PYY: variants seen among roughly 807,000 people sequenced by gnomAD.
PYY encodes peptide tyrosine tyrosine.
A neutral mutation model predicts 10.3 loss-of-function variants in PYY; 12 were observed. That is an observed-to-expected ratio of 1.17 (90% CI 0.75 to 1.89). The LOEUF is 1.89. Among genes scored for constraint, PYY ranks in the 40% most tolerant of loss-of-function variants. The pLI is 0.00. For synonymous variants in PYY, 66 were observed against 62.0 expected, an observed-to-expected ratio of 1.06 and a Z score of -0.30; for missense variants, 141 against 134.0, an observed-to-expected ratio of 1.05 and a Z score of -0.26.
At chr17:44,002,417 G>A (rs937997093) in intron 1 of PYY, among the ~76,000 whole-genome samples, 6 of 152,158 alleles carry the variant, frequency 3.9e-5, no homozygotes. Context: ...GGGTGCTTAG[G>A]GTCTGGCCAT....
At chr17:43,971,355 A>G (rs889928106) in intron 1 of PYY, among the ~76,000 whole-genome samples, 1 of 152,146 alleles carries the variant, frequency 6.6e-6, no homozygotes, top group South Asian at 2.1e-4. Context: ...AGATCACGTG[A>G]GATCCTGAGT....
Position 43,953,277 on chromosome 17 carries a change from G to A in PYY, c.188+19C>T. On this transcript the variant is annotated intron_variant, in intron 2 of 3. Transcript: ENST00000692052. ...GCAGGGTGAGAGCCCCAGGGGTCCC[G>A]CTCCGCGCCTGCGCTCACCGCTGCC... 2 of 1,606,566 alleles carry A rather than the reference G, an allele frequency of 1.2e-6. No individual in the cohort carries two copies. Among genetic ancestry groups the A allele is most frequent in the African/African-American group, 2.7e-5 (2 of 74,878 alleles).
intron 2 of PYY, among the ~76,000 whole-genome samples, chr17:43,959,316 T>C (rs2048696034): frequency 6.6e-6 from 1 of 152,238 alleles, no homozygotes; most frequent in African/African-American, 2.4e-5. Flanking sequence ...ACTTTATATA[T>C]TTCCAATATA....
intron 1 of PYY, among the ~76,000 whole-genome samples, chr17:43,994,654 C>G (rs1259913047): frequency 6.6e-6 from 1 of 152,184 alleles, no homozygotes; most frequent in Non-Finnish European, 1.5e-5. Flanking sequence ...GCCCCCTCCT[C>G]CGTGGCTCAG....
chr17:43,979,745 G>C (rs1264582283), intron 1 of PYY, among the ~76,000 whole-genome samples: 4 of 151,544 alleles, frequency 2.6e-5, no homozygotes, highest in Non-Finnish European at 5.9e-5. Flanking sequence ...CCAGCGGTGG[G>C]GGGAGAAATG....
chr17:43,960,532 C>CAAAAA lies in PYY; in HGVS notation c.-217-2509_-217-2505dup, dbSNP rs1170040925. Among the ~76,000 whole-genome samples, 54 of 58,932 alleles carry CAAAAA rather than the reference C, an allele frequency of 9.2e-4. 1 individual carries two copies. Among genetic ancestry groups the CAAAAA allele is most frequent in the East Asian group, 1.9e-3 (3 of 1,604 alleles). The allele number at this position is 58,932 out of a possible 152,430, so 38.7% of individuals were successfully genotyped here. On this transcript the variant is annotated intron_variant, in intron 2 of 6. Coordinates refer to the PYY transcript ENST00000360085. The stretch of plus-strand genomic sequence containing the variant: ...GAGGGACGAGAGTGAGACTTTGTCT[C>CAAAAA]AAAAAAAAAAAAAAAAAAAAAAACA...
chr17:43,996,453 C>T lies in PYY; in HGVS notation c.-463+7938G>A, dbSNP rs547716840. On this transcript the variant is annotated intron_variant, in intron 1 of 6. Coordinates refer to the PYY transcript ENST00000360085. ...AGCAAATAAAATGGTTCTTTCAAGC[C>T]ATGGGGTTTTGGGGTAATTTTCATT... Among the ~76,000 whole-genome samples the T allele has an allele frequency of 2.0e-5, 3 of 152,124 alleles. No individual in the cohort carries two copies. The South Asian group carries it at 6.2e-4, about 32-fold the overall frequency.
intron 1 of PYY, among the ~76,000 whole-genome samples, chr17:43,996,040 A>G (rs543544497): frequency 1.6e-3 from 245 of 152,232 alleles, no homozygotes; most frequent in African/African-American, 5.8e-3. Flanking sequence ...AATGCAGCCC[A>G]TGACCCCTTC....
At chr17:43,968,884 G>C (rs561516130) in intron 1 of PYY, among the ~76,000 whole-genome samples, 1 of 152,146 alleles carries the variant, frequency 6.6e-6, no homozygotes, top group Non-Finnish European at 1.5e-5. Flanking sequence ...AAGGCGGGTG[G>C]ATCGCCTGAG....
At chr17:43,980,897 TATC>T (rs1350263777) in intron 1 of PYY, among the ~76,000 whole-genome samples, 2 of 152,204 alleles carry the variant, frequency 1.3e-5, no homozygotes, top group Non-Finnish European at 2.9e-5. Context: ...GGTGTGAACA[TATC>T]ATTATTTATT....
At position 43,995,442 on chromosome 17, in the gene PYY, T is replaced by G. The variant is rs2048984778; in HGVS notation, c.-463+8949A>C. 2.6e-5 allele frequency among the ~76,000 whole-genome samples: 4 copies of G among 151,408 alleles called. No individual in the cohort carries two copies. The South Asian group carries it at 8.4e-4, about 32-fold the overall frequency. On this transcript the variant is annotated intron_variant, in intron 1 of 6. Transcript: ENST00000360085. ...GCCTCCCGGGTTCAAGTGATTCTCC[T>G]GCCTCAGCCTCCCGAGTAGCTGGGA...
chr17:43,955,967 C>A (rs2048669474), upstream of PYY, among the ~76,000 whole-genome samples: 1 of 152,006 alleles, frequency 6.6e-6, no homozygotes, highest in South Asian at 2.1e-4. Context: ...CCTGCGGCGG[C>A]ACTAACCATG....
At chr17:44,003,236 T>C (rs1170437326) in intron 1 of PYY, among the ~76,000 whole-genome samples, 7 of 152,036 alleles carry the variant, frequency 4.6e-5, no homozygotes, top group Admixed American at 4.6e-4. Flanking sequence ...TTTCACCATG[T>C]TGGCCAGGCT....
intron 1 of PYY, among the ~76,000 whole-genome samples, chr17:43,981,950 T>C (rs1175234958): frequency 6.6e-6 from 1 of 152,226 alleles, no homozygotes; most frequent in Non-Finnish European, 1.5e-5. Flanking sequence ...TCCCATCCTG[T>C]AGCGTGCCTT....
At chr17:43,978,473 T>C (rs947943592) in intron 1 of PYY, among the ~76,000 whole-genome samples, 1 of 152,112 alleles carries the variant, frequency 6.6e-6, no homozygotes, top group African/African-American at 2.4e-5. Flanking sequence ...CTGGACAATG[T>C]AGCGAGACTC....
intron 1 of PYY, among the ~76,000 whole-genome samples, chr17:43,999,867 C>G (rs1208665325): frequency 6.6e-6 from 1 of 151,946 alleles, no homozygotes; most frequent in Non-Finnish European, 1.5e-5. Flanking sequence ...GGGAAGACTT[C>G]CTGGAGCAAT....
intron 1 of PYY, among the ~76,000 whole-genome samples, chr17:43,976,209 A>ACG (rs2048838421): frequency 7.0e-6 from 1 of 143,524 alleles, no homozygotes; most frequent in Non-Finnish European, 1.5e-5. Context: ...ATATACATAT[A>ACG]CGTATATGTA....
At chr17:43,963,623 A>AAAGG in intron 2 of PYY, among the ~76,000 whole-genome samples, 1 of 73,484 alleles carries the variant, frequency 1.4e-5, no homozygotes, top group African/African-American at 3.7e-5. Context: ...AGAAAGAAAG[A>AAAGG]AAGAGAAAGA....
intron 1 of PYY, among the ~76,000 whole-genome samples, chr17:43,976,235 G>GCATACATGTATACATATA (rs1567932181): frequency 1.9e-5 from 2 of 107,026 alleles, no homozygotes; most frequent in Non-Finnish European, 3.6e-5. Flanking sequence ...ATATACATAT[G>GCATACATGTATACATATA]CGTATATATA....
Sources: gnomAD v4.1 joint callset for allele counts (sites outside exome capture counted in the v4.1 genomes callset) on GRCh38, gnomAD v4.1.1 for gene constraint, MANE v1.5 for transcripts, NCBI Gene and HGNC (gene_info 2026-07-23, HGNC 2026-07-21) for gene names.